The following KCNJ16 variants were observed in gnomAD, a reference collection of about 807,000 sequenced individuals.
KCNJ16 encodes the protein potassium inwardly rectifying channel subfamily J member 16.
In KCNJ16, 15 loss-of-function variants were observed where a neutral mutation model predicts 18.5. The observed-to-expected ratio is 0.81, with a 90% CI of 0.54 to 1.25. KCNJ16 has a LOEUF of 1.25. KCNJ16 is among the 50% of genes most tolerant of loss of function. The pLI is 0.00. For synonymous variants in KCNJ16, 174 were observed against 186.5 expected, an observed-to-expected ratio of 0.93 and a Z score of 0.55; for missense variants, 523 against 525.7, an observed-to-expected ratio of 0.99 and a Z score of 0.05.
At chr17:70,115,875 A>G (rs1379200135) in intron 2 of KCNJ16, among the ~76,000 whole-genome samples, 1 of 152,186 alleles carries the variant, frequency 6.6e-6, no homozygotes, top group Non-Finnish European at 1.5e-5. Flanking sequence ...TCGATGGCTG[A>G]CTTTAAATGT....
intron 2 of KCNJ16, among the ~76,000 whole-genome samples, chr17:70,114,025 C>G (rs74789213): frequency 2.0e-5 from 3 of 152,022 alleles, no homozygotes; most frequent in Non-Finnish European, 4.4e-5. Flanking sequence ...AAGATGCTAT[C>G]TATCTGGATC....
chr17:70,119,069 G>A (rs1444504769), intron 2 of KCNJ16, among the ~76,000 whole-genome samples: 1 of 152,044 alleles, frequency 6.6e-6, no homozygotes, highest in Non-Finnish European at 1.5e-5. Flanking sequence ...AGCTCTACAG[G>A]CCCCACACAA....
At chr17:70,100,289 C>A (rs1259406266) in intron 1 of KCNJ16, among the ~76,000 whole-genome samples, 1 of 152,150 alleles carries the variant, frequency 6.6e-6, no homozygotes, top group Non-Finnish European at 1.5e-5. Flanking sequence ...CAATTGTTTT[C>A]TCTATTTCAA....
rs185836325 is a variant in KCNJ16 at position 70,118,096 on chromosome 17, C to A, written c.-190-12783C>A. Among the ~76,000 whole-genome samples, 543 of 152,196 alleles carry A rather than the reference C, an allele frequency of 3.6e-3. 9 individuals are homozygous for A. Among genetic ancestry groups the A allele is most frequent in the African/African-American group, 0.013 (525 of 41,522 alleles). On this transcript the variant is annotated intron_variant, in intron 2 of 3. Coordinates refer to ENST00000392671, the MANE Select transcript of KCNJ16 (RefSeq NM_170741.4). ...ACTTATGATTGTTCAGAACTTGAGTCTATAAAATAAGCTGACAAGAGGCAG... is the reference window on the plus strand; with the variant it reads ...ACTTATGATTGTTCAGAACTTGAGTATATAAAATAAGCTGACAAGAGGCAG...
chr17:70,118,868 C>T (rs924511468), intron 2 of KCNJ16, among the ~76,000 whole-genome samples: 9 of 152,132 alleles, frequency 5.9e-5, no homozygotes, highest in Non-Finnish European at 1.2e-4. Context: ...TACAATCATT[C>T]CTTCCCCCAA....
intron 1 of KCNJ16, among the ~76,000 whole-genome samples, chr17:70,075,715 A>G (rs139642074): frequency 3.9e-5 from 6 of 152,286 alleles, no homozygotes; most frequent in African/African-American, 1.4e-4. Context: ...CACATGGAGT[A>G]TTCTGCAATG....
rs148301457 is a variant in KCNJ16 at position 70,114,312 on chromosome 17, C to T, written c.-191+13546C>T. Among the ~76,000 whole-genome samples, 9 of 152,236 alleles carry T rather than the reference C, an allele frequency of 5.9e-5. No individual in the cohort carries two copies. The South Asian group carries it at 1.5e-3, about 25-fold the overall frequency. On this transcript the variant is annotated intron_variant, in intron 2 of 3. Coordinates refer to ENST00000392671, the MANE Select transcript of KCNJ16 (RefSeq NM_170741.4). The stretch of plus-strand genomic sequence containing the variant: ...CAGATTGAATAGACTAATAAATAGA[C>T]TCTCTGTAAATTGCCAAAGAGGACA...
At chr17:70,109,562 TC>T (rs11285640) in intron 2 of KCNJ16, among the ~76,000 whole-genome samples, 13,798 of 152,066 alleles carry the variant, frequency 0.091, 718 homozygotes, top group African/African-American at 0.14. Context: ...CTCTTTCTCT[TC>T]CCCCTGTTCT....
At chr17:70,103,321 T>TATATATATAC (rs1355893521) in intron 2 of KCNJ16, among the ~76,000 whole-genome samples, 13 of 44,484 alleles carry the variant, frequency 2.9e-4, no homozygotes, top group African/African-American at 9.0e-4. Flanking sequence ...TATATATATA[T>TATATATATAC]ACACACACAT....
chr17:70,104,701 C>T (rs548998558), intron 2 of KCNJ16, among the ~76,000 whole-genome samples: 10 of 152,284 alleles, frequency 6.6e-5, no homozygotes, highest in African/African-American at 2.2e-4. Flanking sequence ...ATATAAGCTT[C>T]CAGAGGTTTG....
In KCNJ16 at chr17:70,131,234, G is replaced by T. The variant is rs1021763791; in HGVS notation, c.-94+259G>T. ...AGAAAGAAAGAAAAGAAAAAAAAAAGGATGAATGTTATGAGACAAAGACAG... is the reference window on the plus strand; with the variant it reads ...AGAAAGAAAGAAAAGAAAAAAAAAATGATGAATGTTATGAGACAAAGACAG... On this transcript the variant is annotated intron_variant, in intron 3 of 3. Coordinates refer to ENST00000392671, the MANE Select transcript of KCNJ16 (RefSeq NM_170741.4). The T allele has an allele frequency of 1.4e-5, 10 of 727,312 alleles. No individual in the cohort carries two copies. The African/African-American group carries it at 1.8e-4, about 13-fold the overall frequency. The allele number at this position is 727,312 out of a possible 1,614,324, so 45.1% of individuals were successfully genotyped here.
chr17:70,116,618 G>A (rs944041630), intron 2 of KCNJ16, among the ~76,000 whole-genome samples: 1 of 151,940 alleles, frequency 6.6e-6, no homozygotes, highest in African/African-American at 2.4e-5. Flanking sequence ...TTCAATTATA[G>A]CCTTAACAAA....
intron 1 of KCNJ16, among the ~76,000 whole-genome samples, chr17:70,078,397 A>C (rs888638412): frequency 6.6e-6 from 1 of 152,120 alleles, no homozygotes. Context: ...CAAAAAGATC[A>C]CCTCCATTCC....
At position 70,106,219 on chromosome 17, in the gene KCNJ16, AT is replaced by A. The variant is rs138974839; in HGVS notation, c.-191+5461del. On this transcript the variant is annotated intron_variant, in intron 2 of 3. Transcript: ENST00000392671. Reference sequence around the variant, plus strand: ...GGCCTGACAAATATGGCTCAAAATTATTTTTTTTAAAAAAGATTAGAAGTTC... The same window carrying A: ...GGCCTGACAAATATGGCTCAAAATTATTTTTTTAAAAAAGATTAGAAGTTC... 1.2e-3 allele frequency among the ~76,000 whole-genome samples: 185 copies of A among 152,124 alleles called. 1 individual carries two copies. The highest frequency in any genetic ancestry group is 4.3e-3 in the African/African-American group (178 of 41,498).
chr17:70,116,907 G>T (rs1026805503), intron 2 of KCNJ16, among the ~76,000 whole-genome samples: 1 of 152,156 alleles, frequency 6.6e-6, no homozygotes, highest in Non-Finnish European at 1.5e-5. Context: ...ATTTCTCAAA[G>T]AACTTAAAAC....
chr17:70,098,775 G>C (rs1209564287), intron 1 of KCNJ16, among the ~76,000 whole-genome samples: 2 of 152,092 alleles, frequency 1.3e-5, no homozygotes, highest in Admixed American at 6.6e-5. Context: ...AATTTTGAGT[G>C]GAATGGAACC....
intron 2 of KCNJ16, 34 bp downstream of exon 2, chr17:70,100,800 C>T (rs1228473020): frequency 2.6e-5 from 4 of 152,082 alleles, no homozygotes; most frequent in South Asian, 4.1e-4. Context: ...CATGATTCTC[C>T]GAAAAACCAA....
intron 2 of KCNJ16, among the ~76,000 whole-genome samples, chr17:70,110,482 G>GCACACACACACACACACA (rs34424075): frequency 5.7e-4 from 85 of 149,876 alleles, no homozygotes; most frequent in South Asian, 2.8e-3. Flanking sequence ...CTTCGTGCGC[G>GCACACACACACACACACA]CACACACACA....
chr17:70,096,010 G>A (rs1053858181), intron 1 of KCNJ16, among the ~76,000 whole-genome samples: 27 of 149,654 alleles, frequency 1.8e-4, no homozygotes, highest in African/African-American at 5.9e-4. Flanking sequence ...AGCCTCCCGA[G>A]TAGCTGGGAC....
Sources: gnomAD v4.1 joint callset for allele counts (sites outside exome capture counted in the v4.1 genomes callset) on GRCh38, gnomAD v4.1.1 for gene constraint, MANE v1.5 for transcripts, NCBI Gene and HGNC (gene_info 2026-07-23, HGNC 2026-07-21) for gene names.